Variants in PATJ observed in about 807,000 individuals in gnomAD.
The protein encoded by PATJ is inaD-like protein.
Under a neutral mutation model 224.9 loss-of-function variants are expected in PATJ, and 190 were observed. That is an observed-to-expected ratio of 0.84 (90% confidence interval 0.75 to 0.95). The LOEUF is 0.95. Ranked by LOEUF, PATJ falls within the 40% of genes least tolerant of loss-of-function variation. PATJ has a pLI of 0.00. For missense variants in PATJ, 2,121 were observed against 2,270.3 expected (o/e 0.93, Z 1.34); for synonymous variants, 769 against 820.3 (o/e 0.94, Z 1.07).
chr1:61,932,574 T>C (rs36125117), intron 27 of PATJ, among the ~76,000 whole-genome samples: 23,803 of 152,110 alleles, frequency 0.16, 2,396 homozygotes, highest in Non-Finnish European at 0.22. Context: ...AAGAAATTGA[T>C]GAGGAAGAAG....
intron 7 of PATJ, among the ~76,000 whole-genome samples, chr1:61,780,264 GAC>G (rs1647174103): frequency 6.6e-6 from 1 of 152,108 alleles, no homozygotes; most frequent in Non-Finnish European, 1.5e-5. Flanking sequence ...AGGAGTTCGA[GAC>G]CAGCCTGGCC....
At chr1:61,924,933 C>CATTCTCTGTTGTCTCTCAATCAAT (rs1674890987) in intron 26 of PATJ, among the ~76,000 whole-genome samples, 3,142 of 5,742 alleles carry the variant, frequency 0.55, 1,519 homozygotes, top group East Asian at 0.99. Context: ...AGACAGGCGG[C>CATTCTCTGTTGTCTCTCAATCAAT]CGGGCGCGGT....
At chr1:61,754,025 A>G (rs537776980) in intron 1 of PATJ, among the ~76,000 whole-genome samples, 1 of 152,346 alleles carries the variant, frequency 6.6e-6, no homozygotes, top group East Asian at 1.9e-4. Context: ...AGTGAACCAG[A>G]TATGAAAAAT....
intron 1 of PATJ, among the ~76,000 whole-genome samples, chr1:61,758,417 T>C (rs1158259558): frequency 6.6e-6 from 1 of 152,134 alleles, no homozygotes; most frequent in Non-Finnish European, 1.5e-5. Flanking sequence ...GGCATGATCT[T>C]GGCTCACTGC....
intron 17 of PATJ, among the ~76,000 whole-genome samples, chr1:61,840,945 A>T (rs1437531124): frequency 6.6e-6 from 1 of 152,100 alleles, no homozygotes; most frequent in East Asian, 1.9e-4. Context: ...ATTCTCATGG[A>T]AGATAGTGTA....
At chr1:61,906,084 C>A (rs1334320886) in intron 24 of PATJ, among the ~76,000 whole-genome samples, 2 of 152,212 alleles carry the variant, frequency 1.3e-5, no homozygotes, top group East Asian at 3.9e-4. Flanking sequence ...CACATCCCTC[C>A]CCTTGAATTT....
intron 28 of PATJ, among the ~76,000 whole-genome samples, chr1:61,999,266 A>G (rs1645601174): frequency 6.6e-6 from 1 of 152,104 alleles, no homozygotes; most frequent in African/African-American, 2.4e-5. Context: ...CGCTTTCCCA[A>G]CTTCCTTCCT....
At chr1:61,845,817 AC>A (rs1275514710) in intron 17 of PATJ, among the ~76,000 whole-genome samples, 1 of 152,216 alleles carries the variant, frequency 6.6e-6, no homozygotes, top group Non-Finnish European at 1.5e-5. Context: ...CTCCAATCTT[AC>A]AGTGTCTGCT....
intron 7 of PATJ, among the ~76,000 whole-genome samples, chr1:61,781,478 C>T (rs969298976): frequency 1.3e-5 from 2 of 152,212 alleles, no homozygotes; most frequent in Non-Finnish European, 2.9e-5. Context: ...CATGAAATGA[C>T]TTAAGCTGCA....
intron 37 of PATJ, among the ~76,000 whole-genome samples, chr1:62,120,643 G>T (rs866762369): frequency 6.6e-6 from 1 of 152,158 alleles, no homozygotes; most frequent in Middle Eastern, 3.4e-3. Context: ...AAATCTTTGA[G>T]AAAAAAATGT....
chr1:61,759,973 T>TA (rs144014516), intron 1 of PATJ, among the ~76,000 whole-genome samples: 4,665 of 152,282 alleles, frequency 0.031, 116 homozygotes, highest in African/African-American at 0.066. Flanking sequence ...GATTTGGCAG[T>TA]AAAAAAATGT....
At chr1:61,989,700 C>T (rs1162255841) in intron 27 of PATJ, among the ~76,000 whole-genome samples, 2 of 152,056 alleles carry the variant, frequency 1.3e-5, no homozygotes, top group East Asian at 3.9e-4. Flanking sequence ...GTTTCTACCA[C>T]TTTGTGTTGA....
At chr1:62,046,798 T>A (rs1184184347) in intron 30 of PATJ, among the ~76,000 whole-genome samples, 1 of 152,234 alleles carries the variant, frequency 6.6e-6, no homozygotes, top group African/African-American at 2.4e-5. Flanking sequence ...TGGCTTTGAA[T>A]GATAAATTCT....
intron 21 of PATJ, among the ~76,000 whole-genome samples, chr1:61,883,046 A>G (rs1207022618): frequency 6.6e-6 from 1 of 152,186 alleles, no homozygotes; most frequent in Non-Finnish European, 1.5e-5. Context: ...TATGATAGTT[A>G]TACTGTGCTT....
chr1:62,074,522 C>T (rs1657981534), intron 31 of PATJ, among the ~76,000 whole-genome samples: 2 of 152,098 alleles, frequency 1.3e-5, no homozygotes, highest in African/African-American at 4.8e-5. Context: ...TAACCTCAAA[C>T]TCCTGGGCTC....
intron 3 of PATJ, among the ~76,000 whole-genome samples, chr1:61,765,065 CATTTTTTTTTTTT>C (rs1646186098): frequency 5.9e-5 from 1 of 16,998 alleles, no homozygotes; most frequent in Non-Finnish European, 1.8e-4. Flanking sequence ...TATTGACATT[CATTTTTTTTTTTT>C]TTTTTTTTTT....
chr1:61,949,416 A>G (rs1263389738), intron 27 of PATJ, among the ~76,000 whole-genome samples: 1 of 152,116 alleles, frequency 6.6e-6, no homozygotes, highest in Admixed American at 6.6e-5. Context: ...GCACAACTCC[A>G]ATATACTAAA....
At chr1:62,039,055 A>G in intron 30 of PATJ, 1 of 919,530 alleles carries the variant, frequency 1.1e-6, no homozygotes, top group South Asian at 1.3e-5. Context: ...TAATGGGAAC[A>G]TTATGATCCA....
At chr1:62,128,190 T>G in intron 40 of PATJ, 96 bp downstream of exon 40, 11 of 1,441,958 alleles carry the variant, frequency 7.6e-6, no homozygotes, top group South Asian at 1.2e-5. Context: ...GGAATTCCAG[T>G]AGCCATCAGA....
Sources: allele counts gnomAD v4.1 joint callset (sites outside exome capture counted in the v4.1 genomes callset), GRCh38; gene constraint gnomAD v4.1.1; transcripts MANE v1.5; gene names NCBI Gene and HGNC (gene_info 2026-07-23, HGNC 2026-07-21).